HRH1: variants seen among roughly 807,000 people sequenced by gnomAD.
The protein encoded by HRH1 is histamine H1 receptor.
HRH1 carries 6 observed loss-of-function variants against 10.3 expected under a neutral mutation model. The observed-to-expected ratio is 0.58, with a 90% CI of 0.32 to 1.15. The LOEUF is 1.15. Ranked by LOEUF, HRH1 falls within the 50% of genes most tolerant of loss-of-function variation. The pLI, the probability that HRH1 is intolerant of heterozygous loss-of-function variation, is 0.05. For missense variants in HRH1, 514 were observed against 615.3 expected (o/e 0.84, Z 1.74); for synonymous variants, 242 against 236.7 (o/e 1.02, Z -0.21).
At chr3:11,235,208 C>T (rs1273351933) in intron 1 of HRH1, among the ~76,000 whole-genome samples, 1 of 148,728 alleles carries the variant, frequency 6.7e-6, no homozygotes, top group Non-Finnish European at 1.5e-5. Context: ...GAGTGAGACT[C>T]CATCTCAAAA....
chr3:11,242,575 G>A (rs892273798), intron 1 of HRH1, among the ~76,000 whole-genome samples: 6 of 149,846 alleles, frequency 4.0e-5, no homozygotes, highest in Non-Finnish European at 7.4e-5. Context: ...GGAACCTGCC[G>A]GAAGGAACCA....
chr3:11,149,179 C>G (rs1021757443), intron 1 of HRH1, among the ~76,000 whole-genome samples: 1 of 152,190 alleles, frequency 6.6e-6, no homozygotes, highest in Non-Finnish European at 1.5e-5. Context: ...CAAAGGTCAA[C>G]CCCGTTTGGG....
chr3:11,184,998 A>G (rs1937427383), intron 1 of HRH1, among the ~76,000 whole-genome samples: 1 of 150,916 alleles, frequency 6.6e-6, no homozygotes, highest in Non-Finnish European at 1.5e-5. Context: ...TTGTTTTTCC[A>G]TTGCATTTAA....
chr3:11,217,528 CAA>C (rs1049251687), intron 1 of HRH1, among the ~76,000 whole-genome samples: 3 of 148,800 alleles, frequency 2.0e-5, no homozygotes, highest in African/African-American at 5.0e-5. Context: ...GACTTGGTCT[CAA>C]AAAAAAAGAA....
upstream of HRH1, among the ~76,000 whole-genome samples, chr3:11,149,501 G>T (rs1559252124): frequency 6.6e-6 from 1 of 152,198 alleles, no homozygotes; most frequent in East Asian, 1.9e-4. Flanking sequence ...CTGTTAGAAG[G>T]CACGAAAGAG....
intron 1 of HRH1, among the ~76,000 whole-genome samples, chr3:11,191,229 AC>A (rs1937525061): frequency 6.6e-6 from 1 of 152,122 alleles, no homozygotes; most frequent in Non-Finnish European, 1.5e-5. Flanking sequence ...ATTATCTGTA[AC>A]GGGGTATACA....
intron 1 of HRH1, among the ~76,000 whole-genome samples, chr3:11,144,023 C>A (rs781389018): frequency 4.6e-5 from 7 of 152,052 alleles, no homozygotes; most frequent in Admixed American, 3.9e-4. Context: ...CCAGTCAGAA[C>A]GGCTATTGCT....
intron 1 of HRH1, among the ~76,000 whole-genome samples, chr3:11,172,944 G>T (rs749550150): frequency 2.0e-5 from 3 of 152,022 alleles, no homozygotes; most frequent in Admixed American, 6.6e-5. Context: ...TGATCCACCC[G>T]TCTCGGCCTC....
upstream of HRH1, among the ~76,000 whole-genome samples, chr3:11,150,682 G>A (rs192559656): frequency 6.0e-4 from 92 of 152,238 alleles, no homozygotes; most frequent in African/African-American, 2.1e-3. Context: ...TTCAGAGTTG[G>A]GGGACATGGG....
intron 1 of HRH1, among the ~76,000 whole-genome samples, chr3:11,184,410 C>T (rs1166677579): frequency 6.6e-6 from 1 of 152,138 alleles, no homozygotes; most frequent in Non-Finnish European, 1.5e-5. Context: ...GGTCCATCTC[C>T]AAGCTCTTCA....
intron 1 of HRH1, among the ~76,000 whole-genome samples, chr3:11,190,280 G>C (rs1400804149): frequency 6.6e-6 from 1 of 152,028 alleles, no homozygotes; most frequent in Admixed American, 6.6e-5. Context: ...GAGAGGCCAA[G>C]GCGGGAGGAT....
intron 1 of HRH1, chr3:11,234,470 G>C (rs111464767): frequency 9.9e-5 from 155 of 1,565,378 alleles, no homozygotes; most frequent in African/African-American, 1.9e-4. Flanking sequence ...GCAGGAAAAG[G>C]CTGACTTGAA....
intron 1 of HRH1, among the ~76,000 whole-genome samples, chr3:11,194,289 A>C (rs1053479929): frequency 6.6e-6 from 1 of 152,134 alleles, no homozygotes; most frequent in Non-Finnish European, 1.5e-5. Flanking sequence ...CATTTGAGCA[A>C]GTTTTTTCAT....
chr3:11,258,672 A>G (rs1939850008), intron 1 of HRH1, among the ~76,000 whole-genome samples: 1 of 152,142 alleles, frequency 6.6e-6, no homozygotes, highest in African/African-American at 2.4e-5. Flanking sequence ...TTCCCAGAAC[A>G]TGTGCGGAAT....
chr3:11,148,180 CAAAAAAAA>C (rs58792725), intron 1 of HRH1, among the ~76,000 whole-genome samples: 16,659 of 86,014 alleles, frequency 0.19, 1,076 homozygotes, highest in South Asian at 0.32. Flanking sequence ...CTCTGTCAAA[CAAAAAAAA>C]AAAAAAAAAA....
chr3:11,139,982 T>G (rs545404641), intron 1 of HRH1, among the ~76,000 whole-genome samples: 5 of 152,332 alleles, frequency 3.3e-5, no homozygotes, highest in African/African-American at 1.2e-4. Flanking sequence ...CTATGTTATG[T>G]GAATTTTAGC....
chr3:11,238,841 A>G (rs987314529), intron 1 of HRH1, among the ~76,000 whole-genome samples: 2 of 152,184 alleles, frequency 1.3e-5, no homozygotes, highest in Non-Finnish European at 2.9e-5. Flanking sequence ...CAGTTCACCC[A>G]TGGTGTAGCT....
intron 1 of HRH1, among the ~76,000 whole-genome samples, chr3:11,247,728 T>C (rs892775641): frequency 1.3e-5 from 2 of 152,214 alleles, no homozygotes; most frequent in African/African-American, 2.4e-5. Flanking sequence ...CTTGATTTTA[T>C]AGTTTTTCCT....
In HRH1 at chr3:11,246,884, G is replaced by C. The variant is rs151129835; in HGVS notation, c.-35-12119G>C. Among the ~76,000 whole-genome samples the C allele has an allele frequency of 4.0e-3, 606 of 152,220 alleles. 5 individuals are homozygous for C. Among genetic ancestry groups the C allele is most frequent in the African/African-American group, 0.014 (581 of 41,538 alleles). On this transcript the variant is annotated intron_variant, in intron 1 of 1. Transcript: ENST00000431010. ...AATACAGTGAGACCCTCTCTCTACAGAAAATACAAAAAATTACCCAGGCAT... is the reference window on the plus strand; with the variant it reads ...AATACAGTGAGACCCTCTCTCTACACAAAATACAAAAAATTACCCAGGCAT...
Sources: allele counts gnomAD v4.1 joint callset (sites outside exome capture counted in the v4.1 genomes callset), GRCh38; gene constraint gnomAD v4.1.1; transcripts MANE v1.5; gene names NCBI Gene and HGNC (gene_info 2026-07-23, HGNC 2026-07-21).